OTUB2: variants seen among roughly 807,000 people sequenced by gnomAD.
OTUB2 encodes the protein ubiquitin thioesterase OTUB2.
In OTUB2, 21 loss-of-function variants were observed where a neutral mutation model predicts 25.1. That is an observed-to-expected ratio of 0.84 (90% CI 0.59 to 1.21). The LOEUF (loss-of-function observed/expected upper bound fraction) is 1.21. OTUB2 is among the 50% of genes most tolerant of loss of function. The probability of loss-of-function intolerance (pLI) is 0.00; values close to 1 mark genes in which losing one functional copy is unlikely to be tolerated. For missense variants in OTUB2, 283 were observed against 298.0 expected, an observed-to-expected ratio of 0.95 and a Z score of 0.37; for synonymous variants, 122 against 122.8, an observed-to-expected ratio of 0.99 and a Z score of 0.04.
rs74404892 is a variant in OTUB2, at chr14:94,047,261, G to A, written c.*1339G>A. On this transcript the variant is annotated 3_prime_UTR_variant, in exon 6 of 6. Transcript: ENST00000203664. ...TTTACTGGAATCTATTGGTGCTGCT[G>A]CATGAGTCTGCTGACAACCTGACTG... is the stretch of plus-strand genomic sequence containing the variant. The A allele has an allele frequency of 0.079, 12,071 of 152,274 alleles. 508 individuals carry two copies. Among genetic ancestry groups the A allele is most frequent in the Middle Eastern group, 0.19 (56 of 294 alleles). 9.4% of individuals were successfully genotyped at this position (152,274 alleles called of 1,614,324 possible).
At chr14:94,040,404 G>C (rs1348986615) in intron 3 of OTUB2, among the ~76,000 whole-genome samples, 1 of 152,224 alleles carries the variant, frequency 6.6e-6, no homozygotes, top group Non-Finnish European at 1.5e-5. Flanking sequence ...CCCTGGAGTT[G>C]TGCCATGCAG....
chr14:94,038,312 TG>T (rs1365465215), intron 2 of OTUB2, among the ~76,000 whole-genome samples: 6 of 152,194 alleles, frequency 3.9e-5, no homozygotes, highest in African/African-American at 1.4e-4. Context: ...AGAGCCCTCC[TG>T]GGAGATGAGC....
At chr14:94,026,598 T>A in intron 1 of OTUB2, 58 bp downstream of exon 1, 1 of 948,282 alleles carries the variant, frequency 1.1e-6, no homozygotes, top group Non-Finnish European at 1.4e-6. Flanking sequence ...GTGGGCGGGG[T>A]CGCTGCCGGA....
At chr14:94,043,938 T>A (rs759525377) in intron 3 of OTUB2, 33 bp from the exon 4 acceptor site, 2 of 1,593,154 alleles carry the variant, frequency 1.3e-6, no homozygotes, top group Admixed American at 3.3e-5. Context: ...TCGCTGTGTT[T>A]CCCTGTAAAC....
intron 3 of OTUB2, among the ~76,000 whole-genome samples, chr14:94,043,239 C>G (rs975318098): frequency 6.6e-6 from 1 of 152,236 alleles, no homozygotes; most frequent in African/African-American, 2.4e-5. Flanking sequence ...AGCCTCATCT[C>G]CGTTCCCAGG....
intron 1 of OTUB2, among the ~76,000 whole-genome samples, chr14:94,036,121 G>T (rs75502623): frequency 0.019 from 2,877 of 152,286 alleles, 90 homozygotes; most frequent in African/African-American, 0.065. Flanking sequence ...GGAGAAAGGG[G>T]TTTGTAGCAT....
In OTUB2 at chr14:94,037,412, ATG is replaced by A; in HGVS notation, c.39_40del (p.Cys13Ter). ...ETSFNLISEKCDILSILRDHP... is the reference protein window; with the variant it reads ...ETSFNLISEKXDILSILRDHP... ...CATCTTTCAACCTAATATCAGAAAA[ATG>A]TGACATTCTATCCATTCTTCGGGAC... is the stretch of plus-strand genomic sequence containing the variant. On this transcript the variant is annotated frameshift_variant, in exon 2 of 6. Transcript: ENST00000203664. LOFTEE classifies it high-confidence loss of function. The A allele has an allele frequency of 1.2e-6, 2 of 1,603,018 alleles. No homozygotes were observed. Among genetic ancestry groups the A allele is most frequent in the Non-Finnish European group, 1.7e-6 (2 of 1,170,324 alleles).
At chr14:94,041,668 G>T (rs541597778) in intron 3 of OTUB2, among the ~76,000 whole-genome samples, 1 of 152,236 alleles carries the variant, frequency 6.6e-6, no homozygotes, top group Non-Finnish European at 1.5e-5. Context: ...CCAGGCCCCT[G>T]CCTCTCCTGC....
At chr14:94,042,574 C>G (rs113003983) in intron 3 of OTUB2, among the ~76,000 whole-genome samples, 1,941 of 152,228 alleles carry the variant, frequency 0.013, 43 homozygotes, top group African/African-American at 0.043. Context: ...AAGAGGGTGC[C>G]GGCCCTTGGA....
Position 94,046,111 on chromosome 14 carries a change from A to G in OTUB2, c.*189A>G, listed in dbSNP as rs1595369722. ...TAACTTGGTAGGATTTTTAGTATTT[A>G]TTTTAATGGAGGGACAAATGCTTTC... On this transcript the variant is annotated 3_prime_UTR_variant, in exon 6 of 6. Transcript: ENST00000203664. 1 of 666,442 alleles carries G rather than the reference A, an allele frequency of 1.5e-6. No individual in the cohort carries two copies. Among genetic ancestry groups the G allele is most frequent in the East Asian group, 2.7e-5 (1 of 36,756 alleles). 41.3% of individuals were successfully genotyped at this position (666,442 alleles called of 1,614,324 possible). A position where few individuals can be genotyped will look rare whatever the true frequency, so the allele number is the denominator to read the frequency against.
chr14:94,029,676 T>C (rs1884923286), intron 1 of OTUB2, among the ~76,000 whole-genome samples: 1 of 152,126 alleles, frequency 6.6e-6, no homozygotes, highest in African/African-American at 2.4e-5. Context: ...ATTCAACATA[T>C]GAATTTTGGT....
intron 2 of OTUB2, among the ~76,000 whole-genome samples, chr14:94,038,020 G>A (rs1885088766): frequency 6.6e-6 from 1 of 152,268 alleles, no homozygotes; most frequent in Non-Finnish European, 1.5e-5. Context: ...CTGGTAGGAG[G>A]CCCTGGCCGC....
At position 94,037,419 on chromosome 14, in the gene OTUB2, A is replaced by G. The variant is rs916251132; in HGVS notation, c.43A>G (p.Ile15Val). Reference sequence around the variant, plus strand: ...CAACCTAATATCAGAAAAATGTGACATTCTATCCATTCTTCGGGACCATCC... The same window carrying G: ...CAACCTAATATCAGAAAAATGTGACGTTCTATCCATTCTTCGGGACCATCC... ...SFNLISEKCD[I>V]LSILRDHPEN... Residue 15 changes from isoleucine (I) to valine (V), a missense_variant, in exon 2 of 6, where the codon ATT becomes GTT. Ile to Val is a conservative substitution (Grantham distance 29). Coordinates refer to ENST00000203664, the MANE Select transcript of OTUB2 (RefSeq NM_023112.4). The G allele has an allele frequency of 3.1e-6, 5 of 1,605,062 alleles. No individual in the cohort carries two copies. The highest frequency in any genetic ancestry group is 3.4e-6 in the Non-Finnish European group (4 of 1,172,150).
Position 94,032,038 on chromosome 14 carries a change from G to A in OTUB2, c.4-5342G>A, listed in dbSNP as rs942501354. On this transcript the variant is annotated intron_variant, in intron 1 of 5. Transcript: ENST00000203664. Reference sequence around the variant, plus strand: ...TTGAGGGTGTGCCTGGGGTTCTTCCGGGAGCTTGAGTCTCTGGTCTTGCCA... The same window carrying A: ...TTGAGGGTGTGCCTGGGGTTCTTCCAGGAGCTTGAGTCTCTGGTCTTGCCA... 7.9e-5 allele frequency among the ~76,000 whole-genome samples: 12 copies of A among 152,304 alleles called. 1 individual carries two copies. Among genetic ancestry groups the A allele is most frequent in the Admixed American group, 3.9e-4 (6 of 15,302 alleles).
intron 1 of OTUB2, among the ~76,000 whole-genome samples, chr14:94,034,878 C>T (rs977104001): frequency 6.6e-6 from 1 of 152,214 alleles, no homozygotes; most frequent in African/African-American, 2.4e-5. Context: ...CTGGCCAACC[C>T]CAGCTACCTG....
chr14:94,039,724 A>C (rs1243535673), intron 3 of OTUB2, among the ~76,000 whole-genome samples: 1 of 152,088 alleles, frequency 6.6e-6, no homozygotes, highest in Non-Finnish European at 1.5e-5. Flanking sequence ...CTCCCAGGAG[A>C]TGCTGATGCT....
intron 4 of OTUB2, 75 bp from the exon 5 acceptor site, chr14:94,044,511 A>T: frequency 7.0e-7 from 1 of 1,435,172 alleles, no homozygotes; most frequent in Non-Finnish European, 9.5e-7. Context: ...ACGCGAAGGG[A>T]GGGAGCGGAG....
rs979816890 is a variant in OTUB2 at position 94,048,311 on chromosome 14, T to G, written c.*2389T>G. On this transcript the variant is annotated 3_prime_UTR_variant, in exon 6 of 6. Coordinates refer to ENST00000203664, the MANE Select transcript of OTUB2 (RefSeq NM_023112.4). The stretch of plus-strand genomic sequence containing the variant: ...CTTGTTTTTACAACTGCATGTTTAT[T>G]ATGATACTTTCTCTCCAAAGGAAAC... 6.6e-6 allele frequency: 1 copy of G among 152,246 alleles called. No individual in the cohort carries two copies. The highest frequency in any genetic ancestry group is 1.5e-5 in the Non-Finnish European group (1 of 68,050). The allele number at this position is 152,246 out of a possible 1,614,324, so 9.4% of individuals were successfully genotyped here.
chr14:94,038,598 C>T (rs1004437540), intron 2 of OTUB2, among the ~76,000 whole-genome samples: 3 of 140,158 alleles, frequency 2.1e-5, no homozygotes, highest in African/African-American at 7.7e-5. Context: ...CCTACTTCTG[C>T]CAGCTCCCGA....
Sources: allele counts gnomAD v4.1 joint callset (sites outside exome capture counted in the v4.1 genomes callset), GRCh38; gene constraint gnomAD v4.1.1; transcripts MANE v1.5; gene names NCBI Gene and HGNC (gene_info 2026-07-23, HGNC 2026-07-21).